GPC5: variants seen among roughly 807,000 people sequenced by gnomAD.
The protein encoded by GPC5 is glypican 5, also known as glypican-5.
GPC5 carries 47 observed loss-of-function variants against 53.9 expected under a neutral mutation model. The ratio of observed to expected loss-of-function variants is 0.87; its 90% CI spans 0.69 to 1.11. The LOEUF is 1.11. GPC5 is among the 50% of genes most tolerant of loss of function. The pLI is 0.00. For missense variants in GPC5, 748 were observed against 713.1 expected, an observed-to-expected ratio of 1.05 and a Z score of -0.56; for synonymous variants, 286 against 263.3, an observed-to-expected ratio of 1.09 and a Z score of -0.84.
At chr13:91,654,792 A>C (rs1369527560) in intron 2 of GPC5, among the ~76,000 whole-genome samples, 1 of 152,200 alleles carries the variant, frequency 6.6e-6, no homozygotes, top group African/African-American at 2.4e-5. Flanking sequence ...TTACCCTATT[A>C]TTAAGGCTTA....
intron 7 of GPC5, among the ~76,000 whole-genome samples, chr13:92,367,735 T>C (rs1158877407): frequency 6.6e-6 from 1 of 152,164 alleles, no homozygotes; most frequent in African/African-American, 2.4e-5. Context: ...AAAAACATAT[T>C]TTCCCATTCC....
chr13:92,325,920 T>C (rs1181153787), intron 7 of GPC5, among the ~76,000 whole-genome samples: 1 of 152,088 alleles, frequency 6.6e-6, no homozygotes, highest in Non-Finnish European at 1.5e-5. Flanking sequence ...ATTATCTTGA[T>C]AGTGGTTATG....
At chr13:92,501,482 G>A (rs776405881) in intron 7 of GPC5, among the ~76,000 whole-genome samples, 2 of 152,032 alleles carry the variant, frequency 1.3e-5, no homozygotes, top group Non-Finnish European at 2.9e-5. Context: ...TGGCACTACT[G>A]GTGTCCCAGA....
chr13:91,700,462 G>T (rs1343130393), intron 3 of GPC5, among the ~76,000 whole-genome samples: 1 of 152,184 alleles, frequency 6.6e-6, no homozygotes, highest in African/African-American at 2.4e-5. Context: ...TCTTGTGAAA[G>T]TCTGAAGGTC....
At chr13:91,484,274 C>T (rs1366140191) in intron 2 of GPC5, among the ~76,000 whole-genome samples, 2 of 152,156 alleles carry the variant, frequency 1.3e-5, no homozygotes, top group Non-Finnish European at 2.9e-5. Flanking sequence ...GGGTTCTCAA[C>T]CTTTCTACCT....
intron 2 of GPC5, among the ~76,000 whole-genome samples, chr13:91,536,737 T>A (rs1461153843): frequency 6.6e-6 from 1 of 152,216 alleles, no homozygotes; most frequent in Non-Finnish European, 1.5e-5. Flanking sequence ...CCCCAATGTC[T>A]CATTTTAACT....
intron 2 of GPC5, among the ~76,000 whole-genome samples, chr13:91,641,118 G>T (rs527809208): frequency 1.3e-5 from 2 of 152,242 alleles, no homozygotes; most frequent in Non-Finnish European, 2.9e-5. Flanking sequence ...ACGAGGTCAG[G>T]AGATCGAGAC....
intron 6 of GPC5, among the ~76,000 whole-genome samples, chr13:91,934,149 C>T (rs1000115819): frequency 6.6e-6 from 1 of 151,768 alleles, no homozygotes; most frequent in African/African-American, 2.4e-5. Flanking sequence ...ACTTCATAGC[C>T]TATGTCAGTA....
At chr13:91,626,270 A>G (rs1253428844) in intron 2 of GPC5, among the ~76,000 whole-genome samples, 1 of 152,174 alleles carries the variant, frequency 6.6e-6, no homozygotes, top group Non-Finnish European at 1.5e-5. Flanking sequence ...CTTGACATAT[A>G]AAGTCAATAA....
intron 7 of GPC5, among the ~76,000 whole-genome samples, chr13:92,488,137 G>A (rs913191125): frequency 6.6e-6 from 1 of 152,068 alleles, no homozygotes; most frequent in African/African-American, 2.4e-5. Flanking sequence ...GTGCGCGTGT[G>A]TGTGTGTACA....
chr13:92,703,551 G>A (rs530388621), intron 7 of GPC5, among the ~76,000 whole-genome samples: 13 of 147,072 alleles, frequency 8.8e-5, no homozygotes, highest in Admixed American at 3.4e-4. Flanking sequence ...AAATTTTTCA[G>A]TATAGAAAAG....
At chr13:92,806,758 T>G (rs564493010) in intron 7 of GPC5, among the ~76,000 whole-genome samples, 2 of 152,164 alleles carry the variant, frequency 1.3e-5, no homozygotes, top group East Asian at 3.9e-4. Flanking sequence ...CTTATGTGGG[T>G]GCAGTTCATG....
intron 5 of GPC5, among the ~76,000 whole-genome samples, chr13:91,841,724 A>C (rs2038790276): frequency 6.6e-6 from 1 of 152,188 alleles, no homozygotes; most frequent in Non-Finnish European, 1.5e-5. Flanking sequence ...AAATGAGGGA[A>C]ATAAGAACAG....
chr13:92,422,708 AC>A, intron 7 of GPC5, among the ~76,000 whole-genome samples: 1 of 152,314 alleles, frequency 6.6e-6, no homozygotes, highest in East Asian at 1.9e-4. Flanking sequence ...CAGAAAAGTG[AC>A]AACCTCAGTG....
intron 6 of GPC5, among the ~76,000 whole-genome samples, chr13:92,130,425 T>G (rs886531162): frequency 5.9e-5 from 9 of 151,852 alleles, no homozygotes; most frequent in African/African-American, 1.7e-4. Flanking sequence ...ACTATATGAT[T>G]AACACATTTT....
At chr13:92,470,671 C>A (rs1258372428) in intron 7 of GPC5, among the ~76,000 whole-genome samples, 1 of 152,140 alleles carries the variant, frequency 6.6e-6, no homozygotes, top group African/African-American at 2.4e-5. Context: ...TCATTGCAAT[C>A]ATTTCTACAC....
chr13:92,264,665 G>GT (rs200611472), intron 7 of GPC5, among the ~76,000 whole-genome samples: 2,015 of 148,114 alleles, frequency 0.014, 15 homozygotes, highest in Middle Eastern at 0.038. Flanking sequence ...TTCTTGTCTA[G>GT]TTTTTTTTTT....
At chr13:91,570,392 T>C (rs557725408) in intron 2 of GPC5, among the ~76,000 whole-genome samples, 62 of 152,176 alleles carry the variant, frequency 4.1e-4, no homozygotes, top group Non-Finnish European at 8.2e-4. Flanking sequence ...TTTTGAAGTT[T>C]TGGATTTGAG....
At chr13:91,588,408 G>A (rs2032674662) in intron 2 of GPC5, among the ~76,000 whole-genome samples, 1 of 152,082 alleles carries the variant, frequency 6.6e-6, no homozygotes, top group Non-Finnish European at 1.5e-5. Flanking sequence ...CTTTGGGAGA[G>A]TTCCTTAATT....
Sources: gnomAD v4.1 joint callset for allele counts (sites outside exome capture counted in the v4.1 genomes callset) on GRCh38, gnomAD v4.1.1 for gene constraint, MANE v1.5 for transcripts, NCBI Gene and HGNC (gene_info 2026-07-23, HGNC 2026-07-21) for gene names.